Variants in GPHN observed in about 807,000 individuals in gnomAD.
The protein encoded by GPHN is gephyrin.
A neutral mutation model predicts 95.5 loss-of-function variants in GPHN; 17 were observed. The observed-to-expected ratio is 0.18, with a 90% CI of 0.12 to 0.27. The LOEUF is 0.27. GPHN is among the 10% of genes least tolerant of loss of function. The pLI, the probability that GPHN is intolerant of heterozygous loss-of-function variation, is 1.00. For synonymous variants in GPHN, 320 were observed against 322.5 expected, an observed-to-expected ratio of 0.99 and a Z score of 0.08; for missense variants, 660 against 978.1, an observed-to-expected ratio of 0.67 and a Z score of 4.34.
At chr14:67,691,466 C>T in the GPHN span, 2 of 469,300 alleles carry the variant, frequency 4.3e-6, no homozygotes, top group Non-Finnish European at 7.6e-6. Flanking sequence ...ACCAAATGAC[C>T]TTCCAGATCC....
the GPHN span, among the ~76,000 whole-genome samples, chr14:67,342,978 G>T: frequency 6.6e-6 from 1 of 152,088 alleles, no homozygotes; most frequent in South Asian, 2.1e-4. Flanking sequence ...AAGGAGAATG[G>T]CTTATACTGA....
At chr14:67,538,791 A>G in the GPHN span, among the ~76,000 whole-genome samples, 1 of 152,196 alleles carries the variant, frequency 6.6e-6, no homozygotes, top group Non-Finnish European at 1.5e-5. Context: ...GGAGAGGATT[A>G]AACAGACCAC....
intron 2 of GPHN, among the ~76,000 whole-genome samples, chr14:66,767,522 A>G (rs1212925045): frequency 6.6e-6 from 1 of 151,864 alleles, no homozygotes; most frequent in East Asian, 1.9e-4. Context: ...AGAGAAGTAG[A>G]AAGTGTTTTA....
At chr14:66,974,000 T>G (rs1301181178) in intron 9 of GPHN, among the ~76,000 whole-genome samples, 1 of 152,196 alleles carries the variant, frequency 6.6e-6, no homozygotes, top group African/African-American at 2.4e-5. Flanking sequence ...CTCCAGACTA[T>G]TTTACTCACT....
the GPHN span, among the ~76,000 whole-genome samples, chr14:67,280,852 C>T: frequency 4.8e-5 from 6 of 125,304 alleles, no homozygotes; most frequent in South Asian, 2.9e-4. Flanking sequence ...TCCTTCCTTC[C>T]TTCCCTCCCT....
the GPHN span, chr14:67,650,609 G>A: frequency 1.0e-6 from 1 of 986,980 alleles, no homozygotes; most frequent in Non-Finnish European, 1.6e-6. Flanking sequence ...ACTATAAAAT[G>A]GACTCTTGTT....
At position 67,110,542 on chromosome 14, in the gene GPHN, G is replaced by A. The variant is rs75263581; in HGVS notation, c.1413+283G>A. Among the ~76,000 whole-genome samples, 1,506 of 152,210 alleles carry A rather than the reference G, an allele frequency of 9.9e-3. 10 individuals are homozygous for A. Among genetic ancestry groups the A allele is most frequent in the Non-Finnish European group, 0.015 (1,043 of 68,016 alleles). On this transcript the variant is annotated intron_variant, in intron 14 of 22. Coordinates refer to ENST00000478722, the MANE Select transcript of GPHN (RefSeq NM_020806.5). ...CCAAGCAGTTTCACATGCAAACAAC[G>A]AAAGAAAGTACCTCAAGAAAGAAAT...
the GPHN span, among the ~76,000 whole-genome samples, chr14:67,324,609 G>A: frequency 1.3e-5 from 2 of 152,014 alleles, no homozygotes; most frequent in African/African-American, 4.8e-5. Context: ...TTTTGAAATA[G>A]GGTCTTACTC....
chr14:67,619,872 G>A, the GPHN span: 3 of 758,398 alleles, frequency 4.0e-6, no homozygotes, highest in Non-Finnish European at 6.0e-6. Context: ...CACGGGGCGG[G>A]CGGACGCTGG....
chr14:67,445,641 G>A, the GPHN span, among the ~76,000 whole-genome samples: 3,293 of 133,114 alleles, frequency 0.025, 54 homozygotes, highest in Middle Eastern at 0.072. Flanking sequence ...CTGGAGTGCA[G>A]TGACATGATC....
intron 2 of GPHN, among the ~76,000 whole-genome samples, chr14:66,739,278 A>G (rs534317767): frequency 5.1e-4 from 75 of 146,598 alleles, no homozygotes; most frequent in African/African-American, 1.7e-3. Context: ...GTGCAGTGGC[A>G]CAATCTCGGC....
At chr14:67,550,906 A>G in the GPHN span, among the ~76,000 whole-genome samples, 8 of 152,224 alleles carry the variant, frequency 5.3e-5, no homozygotes, top group Non-Finnish European at 1.2e-4. Context: ...GATCCACACA[A>G]TAGAGATACT....
At position 66,922,877 on chromosome 14, in the gene GPHN, G is replaced by T. The variant is rs2153561522; in HGVS notation, c.668G>T (p.Gly223Val). The T allele has an allele frequency of 6.2e-7, 1 of 1,613,478 alleles. No individual in the cohort carries two copies. Among genetic ancestry groups the T allele is most frequent in the East Asian group, 2.2e-5 (1 of 44,868 alleles). ...EEEEEEKKDS[G>V]VASTEDSSSS... Reference sequence around the variant, plus strand: ...GAGGAAGAAGAGAAGAAAGACAGTGGTGTTGCTTCAACAGAAGATAGTTCC... The same window carrying T: ...GAGGAAGAAGAGAAGAAAGACAGTGTTGTTGCTTCAACAGAAGATAGTTCC... The change falls in exon 7 of 23, where the codon GGT becomes GTT. Residue 223 changes from glycine to valine, a missense_variant. Around this residue, in one of 6 missense-constraint regions of GPHN, gnomAD observed 190 missense variants for 224.7 expected, o/e 0.85. Coordinates refer to ENST00000478722, the MANE Select transcript of GPHN (RefSeq NM_020806.5).
the GPHN span, among the ~76,000 whole-genome samples, chr14:67,595,053 C>T: frequency 1.3e-5 from 2 of 152,008 alleles, no homozygotes; most frequent in South Asian, 4.1e-4. Flanking sequence ...AGGAGAATGG[C>T]GTGAACCCAG....
At chr14:67,214,237 G>A in the GPHN span, among the ~76,000 whole-genome samples, 3 of 152,116 alleles carry the variant, frequency 2.0e-5, no homozygotes, top group Non-Finnish European at 4.4e-5. Flanking sequence ...TGAAGTCCTT[G>A]CCCATGCCTA....
chr14:67,566,556 G>T, the GPHN span, among the ~76,000 whole-genome samples: 1 of 148,332 alleles, frequency 6.7e-6, no homozygotes, highest in Non-Finnish European at 1.5e-5. Flanking sequence ...ACCAACCTGG[G>T]CAACACGGCG....
At chr14:67,495,534 G>A in the GPHN span, among the ~76,000 whole-genome samples, 2 of 151,270 alleles carry the variant, frequency 1.3e-5, no homozygotes, top group Non-Finnish European at 1.5e-5. Context: ...CCAGGCTGGA[G>A]TGCAATGGCA....
intron 5 of GPHN, among the ~76,000 whole-genome samples, chr14:66,908,643 C>T (rs1018718937): frequency 6.6e-6 from 1 of 152,008 alleles, no homozygotes; most frequent in Non-Finnish European, 1.5e-5. Context: ...GGAAGAGTAA[C>T]TTTGCTATGG....
At chr14:67,652,267 C>T in the GPHN span, 1 of 152,426 alleles carries the variant, frequency 6.6e-6, no homozygotes, top group South Asian at 2.1e-4. Context: ...TAGTACAATT[C>T]AAATATTGTC....
Sources: allele counts gnomAD v4.1 joint callset (sites outside exome capture counted in the v4.1 genomes callset), GRCh38; gene constraint gnomAD v4.1.1; regional missense constraint gnomAD v4.1.1; transcripts MANE v1.5; gene names NCBI Gene and HGNC (gene_info 2026-07-23, HGNC 2026-07-21).